PCDHGA1: variants seen among roughly 807,000 people sequenced by gnomAD.
PCDHGA1 encodes the protein protocadherin gamma-A1.
In PCDHGA1, 32 loss-of-function variants were observed where a neutral mutation model predicts 58.0. That is an observed-to-expected ratio of 0.55 (90% CI 0.42 to 0.74). PCDHGA1 has a LOEUF of 0.74. Ranked by LOEUF, PCDHGA1 falls within the 30% of genes least tolerant of loss-of-function variation. The probability of loss-of-function intolerance (pLI) is 0.00; values close to 1 mark genes in which losing one functional copy is unlikely to be tolerated. For missense variants in PCDHGA1, 1,205 were observed against 1,182.3 expected (o/e 1.02, Z -0.28); for synonymous variants, 498 against 501.1 (o/e 0.99, Z 0.08).
rs1160642304 is a variant in PCDHGA1 at position 141,415,415 on chromosome 5, T to C, written c.2422-79392T>C. 7 of 1,614,084 alleles carry C rather than the reference T, an allele frequency of 4.3e-6. No individual in the cohort carries two copies. In the Admixed American group the frequency reaches 8.3e-5, roughly 19 times the overall value. Reference sequence around the variant, plus strand: ...GTGTCCGGCTCGCACTTTGTGGGCGTGGACGGGGTTCGGGCTTTCCTGCAG... The same window carrying C: ...GTGTCCGGCTCGCACTTTGTGGGCGCGGACGGGGTTCGGGCTTTCCTGCAG... On this transcript the variant is annotated intron_variant, in intron 1 of 3. Coordinates refer to ENST00000517417, the MANE Select transcript of PCDHGA1 (RefSeq NM_018912.3).
At chr5:141,344,331 C>T in intron 1 of PCDHGA1, 1 of 1,613,966 alleles carries the variant, frequency 6.2e-7, no homozygotes, top group Non-Finnish European at 8.5e-7. Context: ...CGCTCAGATC[C>T]CGCTGTGTCT....
chr5:141,398,868 CAG>C, intron 1 of PCDHGA1: 1 of 1,613,982 alleles, frequency 6.2e-7, no homozygotes, highest in Non-Finnish European at 8.5e-7. Flanking sequence ...GAGACGTGTA[CAG>C]AGTCAGCCTT....
chr5:141,345,959 C>A lies in PCDHGA1; in HGVS notation c.2421+12854C>A, dbSNP rs374899722. 692 of 1,613,284 alleles carry A rather than the reference C, an allele frequency of 4.3e-4. 3 individuals carry two copies. In the South Asian group the frequency reaches 4.8e-3, roughly 11 times the overall value. ...ACAGAGACGCGCTCAAGCAGAGCCT[C>A]GTGGTGGCCGTCCAGGACCACGGCC... On this transcript the variant is annotated intron_variant, in intron 1 of 3. Transcript: ENST00000517417.
chr5:141,510,529 A>G (rs2099881539), intron 3 of PCDHGA1, among the ~76,000 whole-genome samples: 2 of 152,242 alleles, frequency 1.3e-5, no homozygotes, highest in Admixed American at 6.5e-5. Flanking sequence ...CCCTGAGAGA[A>G]ATACCAGCGA....
chr5:141,393,481 C>T, intron 1 of PCDHGA1: 1 of 1,614,066 alleles, frequency 6.2e-7, no homozygotes. Context: ...CCGCCTCGCT[C>T]TAGCACAGTG....
intron 1 of PCDHGA1, chr5:141,419,559 T>C: frequency 6.2e-7 from 1 of 1,611,930 alleles, no homozygotes. Context: ...TACCCTGCGC[T>C]GGGTCCCGAC....
rs1482322150 is a variant in PCDHGA1, at chr5:141,485,119, C to T, written c.2422-9688C>T. On this transcript the variant is annotated intron_variant, in intron 1 of 3. Transcript: ENST00000517417. This position sits in a 1 kb window ranked among gnomAD's most constrained non-coding sequence, Gnocchi z 5.7. ...CTCCAGCTGCTGTGGCTGTTTGGGGCGGGTCGGCTTCATCCGCGTCTCAGG... is the reference window on the plus strand; with the variant it reads ...CTCCAGCTGCTGTGGCTGTTTGGGGTGGGTCGGCTTCATCCGCGTCTCAGG... 9.8e-6 allele frequency: 13 copies of T among 1,328,806 alleles called. No individual in the cohort carries two copies. The East Asian group carries it at 1.8e-4, about 19-fold the overall frequency. 82.3% of individuals were successfully genotyped at this position (1,328,806 alleles called of 1,614,324 possible). A position where few individuals can be genotyped will look rare whatever the true frequency, so the allele number is the denominator to read the frequency against.
chr5:141,343,518 T>G (rs1757293769), intron 1 of PCDHGA1, among the ~76,000 whole-genome samples: 1 of 152,206 alleles, frequency 6.6e-6, no homozygotes, highest in African/African-American at 2.4e-5. Flanking sequence ...TTACGGCCAG[T>G]TCTTTGTTAC....
chr5:141,410,458 T>C (rs776990737), intron 1 of PCDHGA1: 9 of 1,613,922 alleles, frequency 5.6e-6, no homozygotes, highest in Middle Eastern at 3.3e-4. Context: ...CTTATTCTTA[T>C]AATCTGTGCA....
At chr5:141,461,892 C>T (rs976827774) in intron 1 of PCDHGA1, among the ~76,000 whole-genome samples, 2 of 152,030 alleles carry the variant, frequency 1.3e-5, no homozygotes, top group Non-Finnish European at 2.9e-5. Context: ...GGCACGATCT[C>T]GGCTCACTGC....
chr5:141,486,416 C>T lies in PCDHGA1; in HGVS notation c.2422-8391C>T, dbSNP rs2154580601. The T allele has an allele frequency of 6.2e-7, 1 of 1,614,152 alleles. No individual in the cohort carries two copies. The highest frequency in any genetic ancestry group is 8.5e-7 in the Non-Finnish European group (1 of 1,180,016). On this transcript the variant is annotated intron_variant, in intron 1 of 3. Coordinates refer to ENST00000517417, the MANE Select transcript of PCDHGA1 (RefSeq NM_018912.3). This position sits in a 1 kb window ranked among gnomAD's most constrained non-coding sequence, Gnocchi z 5.0. ...CCTGGTGACTGCTGGACCCTTGGAT[C>T]GAGAGGCCAAATCTAGCTATGACAT...
At position 141,486,538 on chromosome 5, in the gene PCDHGA1, C is replaced by A; in HGVS notation, c.2422-8269C>A. 1 of 1,614,150 alleles carries A rather than the reference C, an allele frequency of 6.2e-7. No individual in the cohort carries two copies. Among genetic ancestry groups the A allele is most frequent in the Non-Finnish European group, 8.5e-7 (1 of 1,180,038 alleles). ...ATGTGAATGATAATCCACCCTCTTTCTTTCAGAGGTCACATGAGGTGTTTG... is the reference window on the plus strand; with the variant it reads ...ATGTGAATGATAATCCACCCTCTTTATTTCAGAGGTCACATGAGGTGTTTG... On this transcript the variant is annotated intron_variant, in intron 1 of 3. Coordinates refer to ENST00000517417, the MANE Select transcript of PCDHGA1 (RefSeq NM_018912.3). This position sits in a 1 kb window ranked among gnomAD's most constrained non-coding sequence, Gnocchi z 5.0.
chr5:141,339,154 G>A (rs374196270), intron 1 of PCDHGA1: 99 of 1,614,100 alleles, frequency 6.1e-5, no homozygotes, highest in Middle Eastern at 1.6e-4. Flanking sequence ...CACTGGCAGA[G>A]CAGGGAGTCC....
At chr5:141,375,266 G>A in intron 1 of PCDHGA1, 1 of 1,613,846 alleles carries the variant, frequency 6.2e-7, no homozygotes, top group Non-Finnish European at 8.5e-7. Flanking sequence ...ATTTGAATTG[G>A]AAAAATCAGT....
chr5:141,383,368 G>C, intron 1 of PCDHGA1: 1 of 1,614,014 alleles, frequency 6.2e-7, no homozygotes, highest in Middle Eastern at 1.6e-4. Context: ...GTTAAGCGAG[G>C]CTGGGGATCC....
chr5:141,355,379 C>T (rs771278815), intron 1 of PCDHGA1: 1 of 1,614,018 alleles, frequency 6.2e-7, no homozygotes, highest in South Asian at 1.1e-5. Context: ...CGGGAGCTGG[C>T]GGAGCGCGGA....
At position 141,332,278 on chromosome 5, in the gene PCDHGA1, G is replaced by A. The variant is rs761546761; in HGVS notation, c.1594G>A (p.Val532Met). 116 of 1,614,140 alleles carry A rather than the reference G, an allele frequency of 7.2e-5. No homozygotes were observed. The highest frequency in any genetic ancestry group is 9.4e-5 in the Non-Finnish European group (111 of 1,180,058). ...YEQFRDMQLK[V>M]MARDSGDPPL... Reference sequence around the variant, plus strand: ...GCAGTTCCGGGACATGCAACTGAAAGTGATGGCGCGGGACAGTGGGGATCC... The same window carrying A: ...GCAGTTCCGGGACATGCAACTGAAAATGATGGCGCGGGACAGTGGGGATCC... Residue 532 changes from valine (V) to methionine (M), a missense_variant, in exon 1 of 4, where the codon GTG becomes ATG. By Grantham distance (21) the Val-to-Met change is conservative. Transcript: ENST00000517417. This position sits in a 1 kb window ranked among gnomAD's most constrained non-coding sequence, Gnocchi z 4.6.
Position 141,332,373 on chromosome 5 carries a change from G to C in PCDHGA1, c.1689G>C (p.Leu563=), listed in dbSNP as rs2149713747. The change falls in exon 1 of 4, where the codon CTG becomes CTC. Residue 563 remains leucine (L), a synonymous_variant. Coordinates refer to ENST00000517417, the MANE Select transcript of PCDHGA1 (RefSeq NM_018912.3). This position sits in a 1 kb window ranked among gnomAD's most constrained non-coding sequence, Gnocchi z 4.6. The stretch of plus-strand genomic sequence containing the variant: ...AGAACGACAACGCGCCCGAGATCCT[G>C]TACCCCGCCCTCCCCACAGATGGTT... ...LDQNDNAPEI[L]YPALPTDGST... The C allele has an allele frequency of 6.2e-7, 1 of 1,614,198 alleles. No individual in the cohort carries two copies. Among genetic ancestry groups the C allele is most frequent in the Non-Finnish European group, 8.5e-7 (1 of 1,180,040 alleles).
chr5:141,443,235 C>G (rs1182428300), intron 1 of PCDHGA1, among the ~76,000 whole-genome samples: 2 of 151,642 alleles, frequency 1.3e-5, no homozygotes, highest in East Asian at 1.9e-4. Flanking sequence ...AATCTTAGCA[C>G]TTTGGGGCGC....
Sources: allele counts gnomAD v4.1 joint callset (sites outside exome capture counted in the v4.1 genomes callset), GRCh38; gene constraint gnomAD v4.1.1; non-coding constraint Gnocchi (gnomAD v3.1); transcripts MANE v1.5; gene names NCBI Gene and HGNC (gene_info 2026-07-23, HGNC 2026-07-21).